Variants in CYFIP2 observed in about 807,000 individuals in gnomAD.
CYFIP2 encodes cytoplasmic FMR1 interacting protein 2.
In CYFIP2, 29 loss-of-function variants were observed where a neutral mutation model predicts 158.7. The ratio of observed to expected loss-of-function variants is 0.18; its 90% CI spans 0.14 to 0.25. The LOEUF is 0.25. CYFIP2 is among the 10% of genes least tolerant of loss of function. The pLI is 1.00. For synonymous variants in CYFIP2, 585 were observed against 617.6 expected (o/e 0.95, Z 0.78); for missense variants, 852 against 1,639.5 (o/e 0.52, Z 8.29).
intron 3 of CYFIP2, among the ~76,000 whole-genome samples, chr5:157,288,037 G>A (rs62383007): frequency 3.7e-3 from 562 of 152,160 alleles, no homozygotes; most frequent in Middle Eastern, 0.024. Context: ...AGGCTGCAGT[G>A]AGCCATGATC....
intron 23 of CYFIP2, chr5:157,343,577 C>T (rs781545449): frequency 4.7e-6 from 7 of 1,476,694 alleles, no homozygotes; most frequent in Non-Finnish European, 5.5e-6. Context: ...AGTGACATCC[C>T]CTGATTTAAG....
chr5:157,284,542 G>GT (rs1459062010), intron 1 of CYFIP2, among the ~76,000 whole-genome samples: 4 of 152,198 alleles, frequency 2.6e-5, no homozygotes, highest in African/African-American at 9.7e-5. Context: ...TTTCACATAT[G>GT]TTTGGGGGGA....
chr5:157,267,109 C>T (rs1755669647), intron 1 of CYFIP2, among the ~76,000 whole-genome samples: 1 of 152,210 alleles, frequency 6.6e-6, no homozygotes, highest in Non-Finnish European at 1.5e-5. Flanking sequence ...CAGGTGCCTC[C>T]CCAGCACAGG....
At chr5:157,322,536 G>A (rs186676425) in intron 15 of CYFIP2, among the ~76,000 whole-genome samples, 35 of 152,368 alleles carry the variant, frequency 2.3e-4, no homozygotes, top group Admixed American at 1.2e-3. Context: ...TTGAGAGGCC[G>A]TCATGAGAAG....
intron 19 of CYFIP2, 151 bp from the exon 20 acceptor site, chr5:157,330,591 G>A (rs779656881): frequency 1.1e-4 from 60 of 562,446 alleles, no homozygotes; most frequent in Middle Eastern, 2.7e-4. Context: ...GAAATTTGAC[G>A]TAACTTGTCT....
intron 19 of CYFIP2, among the ~76,000 whole-genome samples, 174 bp from the exon 20 acceptor site, chr5:157,330,568 C>T (rs1291144961): frequency 6.6e-6 from 1 of 152,174 alleles, no homozygotes; most frequent in Non-Finnish European, 1.5e-5. Flanking sequence ...TATTGAGCTT[C>T]TGTGACTGAA....
intron 13 of CYFIP2, among the ~76,000 whole-genome samples, chr5:157,316,829 A>G (rs1251855470): frequency 6.6e-6 from 1 of 152,214 alleles, no homozygotes; most frequent in Non-Finnish European, 1.5e-5. Flanking sequence ...AGGGCCATAC[A>G]AATGTAAGAG....
At position 157,325,555 on chromosome 5, in the gene CYFIP2, A is replaced by C. The variant is rs372104693; in HGVS notation, c.1899A>C (p.Arg633=). ...REFFLELTMG[R]RIQFPIEMSM... Reference sequence around the variant, plus strand: ...TCTTCCTGGAGTTAACCATGGGCCGACGAATCCAGTTCCCCATCGAGATGT... The same window carrying C: ...TCTTCCTGGAGTTAACCATGGGCCGCCGAATCCAGTTCCCCATCGAGATGT... The change falls in exon 17 of 31, where the codon CGA becomes CGC. Residue 633 remains arginine (R), a synonymous_variant. Transcript: ENST00000620254. The C allele has an allele frequency of 6.2e-7, 1 of 1,613,312 alleles. No individual in the cohort carries two copies. Among genetic ancestry groups the C allele is most frequent in the African/African-American group, 1.3e-5 (1 of 74,908 alleles).
At chr5:157,380,428 G>C (rs1474533042) in intron 26 of CYFIP2, among the ~76,000 whole-genome samples, 1 of 152,302 alleles carries the variant, frequency 6.6e-6, no homozygotes, top group Middle Eastern at 3.4e-3. Context: ...GAGTGAACAA[G>C]AACAGCTTCC....
chr5:157,391,977 CTTG>C (rs145222554), intron 30 of CYFIP2, among the ~76,000 whole-genome samples: 2,386 of 152,206 alleles, frequency 0.016, 67 homozygotes, highest in African/African-American at 0.055. Flanking sequence ...AAAAAGTTAT[CTTG>C]TTGTGATTTT....
chr5:157,382,559 GT>G, intron 26 of CYFIP2, 30 bp from the exon 27 acceptor site: 1 of 1,611,806 alleles, frequency 6.2e-7, no homozygotes, highest in Non-Finnish European at 8.5e-7. Flanking sequence ...AATGAAAATT[GT>G]TTTCTCTTTC....
chr5:157,310,010 C>T (rs939032633), intron 10 of CYFIP2, among the ~76,000 whole-genome samples, 176 bp downstream of exon 10: 4 of 152,158 alleles, frequency 2.6e-5, no homozygotes, highest in African/African-American at 7.2e-5. Context: ...CTTTTGTATC[C>T]GCCCTCTGCT....
At chr5:157,343,414 A>C (rs1396768108) in intron 23 of CYFIP2, 1 of 1,614,184 alleles carries the variant, frequency 6.2e-7, no homozygotes, top group Admixed American at 1.7e-5. Flanking sequence ...GAAGATAGCC[A>C]GAGAAGATGC....
intron 3 of CYFIP2, among the ~76,000 whole-genome samples, chr5:157,289,072 G>C (rs779957501): frequency 6.6e-6 from 1 of 152,178 alleles, no homozygotes; most frequent in South Asian, 2.1e-4. Flanking sequence ...TTTTAGGGAT[G>C]AGAAAACTGA....
Position 157,395,484 on chromosome 5 carries a change from T to C in CYFIP2, c.*2484T>C, listed in dbSNP as rs1206944251. The C allele has an allele frequency of 2.0e-6, 1 of 492,078 alleles. No homozygotes were observed. The highest frequency in any genetic ancestry group is 2.0e-5 in the African/African-American group (1 of 49,362). The allele number at this position is 492,078 out of a possible 1,614,324, so 30.5% of individuals were successfully genotyped here. A position where few individuals can be genotyped will look rare whatever the true frequency, so the allele number is the denominator to read the frequency against. ...ATAATGATGTTAAATTCTTAAATCA[T>C]ATTTGCTATGCAGCTGAAGATGATA... On this transcript the variant is annotated 3_prime_UTR_variant, in exon 31 of 31. Coordinates refer to ENST00000620254, the MANE Select transcript of CYFIP2 (RefSeq NM_001037333.3).
intron 26 of CYFIP2, chr5:157,364,323 G>A (rs1764162341): frequency 6.6e-6 from 1 of 151,940 alleles, no homozygotes; most frequent in Non-Finnish European, 1.5e-5. Flanking sequence ...GAATCCAGAG[G>A]CAGACTATTG....
intron 21 of CYFIP2, among the ~76,000 whole-genome samples, chr5:157,336,830 C>T (rs570012965): frequency 1.7e-4 from 26 of 152,208 alleles, no homozygotes; most frequent in Non-Finnish European, 3.1e-4. Context: ...GCCCTGCATC[C>T]AGCTGGCACA....
rs1334773917 is a variant in CYFIP2, at chr5:157,395,344, A to G, written c.*2344A>G. ...AAGCTTAGGTTTTAAAAAGTTTTAA[A>G]AATAATCTGTTTCAGAAACTGTCAA... On this transcript the variant is annotated 3_prime_UTR_variant, in exon 31 of 31. Coordinates refer to ENST00000620254, the MANE Select transcript of CYFIP2 (RefSeq NM_001037333.3). 3.4e-6 allele frequency: 1 copy of G among 297,766 alleles called. No individual in the cohort carries two copies. The highest frequency in any genetic ancestry group is 6.4e-6 in the Non-Finnish European group (1 of 155,470). The allele number at this position is 297,766 out of a possible 1,614,324, so 18.4% of individuals were successfully genotyped here. A position where few individuals can be genotyped will look rare whatever the true frequency, so the allele number is the denominator to read the frequency against.
At chr5:157,285,202 A>G (rs1043754370) in intron 1 of CYFIP2, 137 bp from the exon 2 acceptor site, 22 of 611,916 alleles carry the variant, frequency 3.6e-5, no homozygotes, top group Non-Finnish European at 6.1e-5. Flanking sequence ...GCACCTTGGG[A>G]AGAAGTGGTG....
Sources: allele counts gnomAD v4.1 joint callset (sites outside exome capture counted in the v4.1 genomes callset), GRCh38; gene constraint gnomAD v4.1.1; transcripts MANE v1.5; gene names NCBI Gene and HGNC (gene_info 2026-07-23, HGNC 2026-07-21).